The following SGCZ variants were observed in gnomAD, a reference collection of about 807,000 sequenced individuals.
The protein encoded by SGCZ is zeta-sarcoglycan.
A neutral mutation model predicts 41.3 loss-of-function variants in SGCZ; 40 were observed. The ratio of observed to expected loss-of-function variants is 0.97; its 90% CI spans 0.75 to 1.26. The LOEUF is 1.26. SGCZ is among the 50% of genes most tolerant of loss of function. The pLI, the probability that SGCZ is intolerant of heterozygous loss-of-function variation, is 0.00. For missense variants in SGCZ, 552 were observed against 369.8 expected (o/e 1.49, Z -4.04); for synonymous variants, 206 against 137.5 (o/e 1.50, Z -3.49).
At chr8:14,238,196 G>A (rs141084213) in intron 3 of SGCZ, among the ~76,000 whole-genome samples, 151 of 152,240 alleles carry the variant, frequency 9.9e-4, no homozygotes, top group African/African-American at 3.6e-3. Context: ...TTAATTTTAC[G>A]TGTCTATCTG....
chr8:14,415,052 T>A (rs67208007), intron 2 of SGCZ, among the ~76,000 whole-genome samples: 103,605 of 151,702 alleles, frequency 0.68, 35,487 homozygotes, highest in East Asian at 0.83. Flanking sequence ...CTGCTACTTA[T>A]ATCTTTTTTT....
At chr8:14,526,534 A>G (rs879788807) in intron 2 of SGCZ, among the ~76,000 whole-genome samples, 5 of 152,068 alleles carry the variant, frequency 3.3e-5, no homozygotes, top group Non-Finnish European at 5.9e-5. Flanking sequence ...CACATTGTAT[A>G]CTCCTTCTTT....
At chr8:15,195,196 G>C (rs1047391378) in intron 1 of SGCZ, among the ~76,000 whole-genome samples, 5 of 152,074 alleles carry the variant, frequency 3.3e-5, no homozygotes, top group Non-Finnish European at 7.4e-5. Context: ...AGTGTCCTAC[G>C]AATCATTTTC....
chr8:14,393,636 A>G (rs1804867736), intron 2 of SGCZ, among the ~76,000 whole-genome samples: 1 of 150,244 alleles, frequency 6.7e-6, no homozygotes, highest in Non-Finnish European at 1.5e-5. Flanking sequence ...TTTTCTCCAT[A>G]GAGAAAGCTG....
intron 1 of SGCZ, among the ~76,000 whole-genome samples, chr8:14,745,809 A>T (rs1012348756): frequency 6.6e-6 from 1 of 152,120 alleles, no homozygotes; most frequent in African/African-American, 2.4e-5. Flanking sequence ...CATTGATACA[A>T]CCAAGTAGGG....
intron 3 of SGCZ, among the ~76,000 whole-genome samples, chr8:14,253,134 TAAG>T (rs1160743247): frequency 1.3e-5 from 2 of 151,976 alleles, no homozygotes; most frequent in Admixed American, 6.6e-5. Context: ...ATGCTGTCAT[TAAG>T]AATAAAACAG....
intron 1 of SGCZ, among the ~76,000 whole-genome samples, chr8:14,636,385 C>T (rs1355452754): frequency 6.6e-6 from 1 of 151,880 alleles, no homozygotes; most frequent in Non-Finnish European, 1.5e-5. Context: ...AAAAAACAGA[C>T]AACCAGCTAG....
chr8:14,273,446 C>A (rs1253754861), intron 3 of SGCZ, among the ~76,000 whole-genome samples: 1 of 152,076 alleles, frequency 6.6e-6, no homozygotes, highest in African/African-American at 2.4e-5. Flanking sequence ...GATGGACAAA[C>A]AATTCAACTC....
intron 1 of SGCZ, among the ~76,000 whole-genome samples, chr8:15,223,843 C>T (rs1801684932): frequency 6.9e-6 from 1 of 145,956 alleles, no homozygotes; most frequent in Non-Finnish European, 1.5e-5. Context: ...CAGCGAAAAG[C>T]TCCTTTTTAA....
chr8:15,196,710 G>A (rs1346731452), intron 1 of SGCZ, among the ~76,000 whole-genome samples: 3 of 152,266 alleles, frequency 2.0e-5, no homozygotes, highest in African/African-American at 7.2e-5. Context: ...ATGTATACGT[G>A]TGCCATGCTG....
intron 1 of SGCZ, among the ~76,000 whole-genome samples, chr8:14,841,111 CA>C (rs138084107): frequency 0.02 from 2,871 of 147,036 alleles, 53 homozygotes; most frequent in Middle Eastern, 0.054. Flanking sequence ...TTGAGAAGAA[CA>C]AAAAAAAAAT....
intron 4 of SGCZ, among the ~76,000 whole-genome samples, chr8:14,232,370 G>C (rs73219295): frequency 0.23 from 34,940 of 151,730 alleles, 5,002 homozygotes; most frequent in South Asian, 0.41. Context: ...CTATTGTTAA[G>C]TGATGTTAAT....
intron 4 of SGCZ, among the ~76,000 whole-genome samples, chr8:14,236,662 C>G (rs1382148): frequency 6.6e-6 from 1 of 151,078 alleles, no homozygotes; most frequent in East Asian, 2.0e-4. Context: ...CTCTCTCTCT[C>G]TATATATATG....
chr8:14,712,596 C>G (rs1448548363), intron 1 of SGCZ, among the ~76,000 whole-genome samples: 1 of 152,092 alleles, frequency 6.6e-6, no homozygotes, highest in East Asian at 1.9e-4. Flanking sequence ...AAGCAATTCC[C>G]TTATCACATG....
chr8:14,124,762 C>T (rs1039720250), intron 5 of SGCZ, among the ~76,000 whole-genome samples: 3 of 152,030 alleles, frequency 2.0e-5, no homozygotes, highest in Non-Finnish European at 4.4e-5. Context: ...TTCCAGCACA[C>T]TAAATAAATC....
chr8:14,381,386 G>A (rs542114470), intron 2 of SGCZ, among the ~76,000 whole-genome samples: 1 of 152,096 alleles, frequency 6.6e-6, no homozygotes, highest in Non-Finnish European at 1.5e-5. Flanking sequence ...TAATAATGGG[G>A]TGTCATAAAA....
At chr8:14,545,114 C>G (rs913693808) in intron 2 of SGCZ, among the ~76,000 whole-genome samples, 6 of 152,058 alleles carry the variant, frequency 3.9e-5, no homozygotes, top group African/African-American at 1.4e-4. Context: ...TCTCAGCCGG[C>G]TGACACTTAT....
Position 14,738,735 on chromosome 8 carries a change from G to A in SGCZ, c.40-183809C>T, listed in dbSNP as rs74787005. ...CCAAGGACATACAATGGTAGGTCAT[G>A]AAAGTTGGTTGTTAAACTGCTTGCA... is the stretch of plus-strand genomic sequence containing the variant. On this transcript the variant is annotated intron_variant, in intron 1 of 7. Transcript: ENST00000382080. 9.4e-3 allele frequency among the ~76,000 whole-genome samples: 1,426 copies of A among 152,182 alleles called. 29 individuals are homozygous for A. Among genetic ancestry groups the A allele is most frequent in the African/African-American group, 0.033 (1,355 of 41,544 alleles).
chr8:14,357,074 T>C lies in SGCZ; in HGVS notation c.235-32870A>G, dbSNP rs1264337631. ...ATATTTTATGCAAAAGTAAATGAAATATTAAATTGTAAAAAAAAGTAAGTT... is the reference window on the plus strand; with the variant it reads ...ATATTTTATGCAAAAGTAAATGAAACATTAAATTGTAAAAAAAAGTAAGTT... On this transcript the variant is annotated intron_variant, in intron 2 of 7. Transcript: ENST00000382080. Among the ~76,000 whole-genome samples the C allele has an allele frequency of 8.5e-5, 13 of 152,084 alleles. No individual in the cohort carries two copies. In the East Asian group the frequency reaches 2.5e-3, roughly 29 times the overall value.
Sources: gnomAD v4.1 joint callset for allele counts (sites outside exome capture counted in the v4.1 genomes callset) on GRCh38, gnomAD v4.1.1 for gene constraint, MANE v1.5 for transcripts, NCBI Gene and HGNC (gene_info 2026-07-23, HGNC 2026-07-21) for gene names.